RB1: variants seen among roughly 807,000 people sequenced by gnomAD.
The protein encoded by RB1 is retinoblastoma-associated protein.
In RB1, 18 loss-of-function variants were observed where a neutral mutation model predicts 135.4. That is an observed-to-expected ratio of 0.13 (90% CI 0.09 to 0.20). The LOEUF (loss-of-function observed/expected upper bound fraction) is 0.20, where lower values mean the gene tolerates loss of function less well. RB1 is among the 10% of genes least tolerant of loss of function. The pLI is 1.00. For synonymous variants in RB1, 365 were observed against 373.2 expected (o/e 0.98, Z 0.25); for missense variants, 868 against 1,110.0 (o/e 0.78, Z 3.10).
intron 6 of RB1, among the ~76,000 whole-genome samples, chr13:48,353,091 A>C (rs1182262416): frequency 1.3e-5 from 2 of 152,192 alleles, no homozygotes; most frequent in Non-Finnish European, 2.9e-5. Context: ...AAATTAGTAG[A>C]AGAAAAGAAA....
rs780416519 is a variant in RB1 at position 48,459,677 on chromosome 13, T to C, written c.1961-11T>C. The C allele has an allele frequency of 6.2e-7, 1 of 1,614,094 alleles. No homozygotes were observed. Among genetic ancestry groups the C allele is most frequent in the Non-Finnish European group, 8.5e-7 (1 of 1,179,976 alleles). On this transcript the variant is annotated splice_polypyrimidine_tract_variant and intron_variant, in intron 19 of 26. Transcript: ENST00000267163. Reference sequence around the variant, plus strand: ...AACAGTAAAAATGACTAATTTTTCTTATTCCCACAGTGTATCGGCTAGCCT... The same window carrying C: ...AACAGTAAAAATGACTAATTTTTCTCATTCCCACAGTGTATCGGCTAGCCT...
intron 18 of RB1, among the ~76,000 whole-genome samples, chr13:48,453,530 A>G (rs1949341801): frequency 6.6e-6 from 1 of 152,098 alleles, no homozygotes. Flanking sequence ...AGGGAGAAGT[A>G]TGGGATGTGG....
intron 2 of RB1, among the ~76,000 whole-genome samples, chr13:48,337,737 G>C (rs1378264405): frequency 6.6e-6 from 1 of 152,084 alleles, no homozygotes; most frequent in Non-Finnish European, 1.5e-5. Context: ...GTTAGCTGGT[G>C]ATTTTGCTCG....
chr13:48,429,921 A>G (rs2138273673), intron 17 of RB1, among the ~76,000 whole-genome samples: 1 of 152,336 alleles, frequency 6.6e-6, no homozygotes, highest in South Asian at 2.1e-4. Flanking sequence ...CCATAAGAGA[A>G]TACTTGAACA....
Position 48,453,176 on chromosome 13 carries a change from G to A in RB1, c.1814+65G>A, listed in dbSNP as rs976941101. The A allele has an allele frequency of 1.2e-5, 17 of 1,430,324 alleles. No homozygotes were observed. In the African/African-American group the frequency reaches 1.5e-4, roughly 13 times the overall value. 88.6% of individuals were successfully genotyped at this position (1,430,324 alleles called of 1,614,324 possible). A position where few individuals can be genotyped will look rare whatever the true frequency, so the allele number is the denominator to read the frequency against. On this transcript the variant is annotated intron_variant, in intron 18 of 26. Transcript: ENST00000267163. ...AATAGATTTTAAGCATAAGTGCAATGTAACATTCTATAAAGAAACTGTAGG... is the reference window on the plus strand; with the variant it reads ...AATAGATTTTAAGCATAAGTGCAATATAACATTCTATAAAGAAACTGTAGG...
rs553094345 is a variant in RB1, at chr13:48,464,958, C to CTTTTTTTTTTTTTTTTTTTTTT, written c.2212-37_2212-16dup. ...AAATTCATTTAACAAGTAAATTTTA[C>CTTTTTTTTTTTTTTTTTTTTTT]TTTTTTTTTTTTTTTTTTTTTTTTA... On this transcript the variant is annotated intron_variant, in intron 21 of 26. Coordinates refer to ENST00000267163, the MANE Select transcript of RB1 (RefSeq NM_000321.3). 109 of 832,616 alleles carry CTTTTTTTTTTTTTTTTTTTTTT rather than the reference C, an allele frequency of 1.3e-4. 4 individuals carry two copies. Among genetic ancestry groups the CTTTTTTTTTTTTTTTTTTTTTT allele is most frequent in the East Asian group, 3.7e-4 (7 of 19,010 alleles). 51.6% of individuals were successfully genotyped at this position (832,616 alleles called of 1,614,324 possible).
chr13:48,413,047 T>G (rs1392937599), intron 17 of RB1: 1 of 167,288 alleles, frequency 6.0e-6, no homozygotes, highest in African/African-American at 2.4e-5. Context: ...ACTCCCAAGC[T>G]TGTTAGCTCT....
At chr13:48,360,281 A>G in intron 7 of RB1, 154 bp downstream of exon 7, 1 of 1,438,138 alleles carries the variant, frequency 7.0e-7, no homozygotes, top group Non-Finnish European at 9.2e-7. Context: ...TATAGAAGGA[A>G]AGATAAGACA....
chr13:48,352,243 T>C (rs1952554733), intron 6 of RB1, among the ~76,000 whole-genome samples: 1 of 152,344 alleles, frequency 6.6e-6, no homozygotes, highest in Admixed American at 6.5e-5. Context: ...CATGCTGTTT[T>C]GGTTACTGTA....
rs147571628 is a variant in RB1, at chr13:48,457,666, C to G, written c.1960+1317C>G. Reference sequence around the variant, plus strand: ...ACCTGTAGGCCAGTGCCAAGCTGCCCTCAGCCCCCGCCTCGGCTTCCCCCC... The same window carrying G: ...ACCTGTAGGCCAGTGCCAAGCTGCCGTCAGCCCCCGCCTCGGCTTCCCCCC... On this transcript the variant is annotated intron_variant, in intron 19 of 26. Coordinates refer to ENST00000267163, the MANE Select transcript of RB1 (RefSeq NM_000321.3). 1.4e-4 allele frequency among the ~76,000 whole-genome samples: 21 copies of G among 152,356 alleles called. No individual in the cohort carries two copies. The East Asian group carries it at 4.1e-3, about 29-fold the overall frequency.
intron 2 of RB1, among the ~76,000 whole-genome samples, chr13:48,327,170 A>G (rs759623018): frequency 7.1e-6 from 1 of 141,150 alleles, no homozygotes; most frequent in Non-Finnish European, 1.6e-5. Flanking sequence ...TTCCATCTTC[A>G]TACAATGTTA....
chr13:48,430,106 A>G (rs1036420718), intron 17 of RB1, among the ~76,000 whole-genome samples: 2 of 152,186 alleles, frequency 1.3e-5, no homozygotes, highest in Non-Finnish European at 2.9e-5. Flanking sequence ...TGCATTCTCC[A>G]CACCTTCACC....
In RB1 at chr13:48,456,333, A is replaced by G. The variant is rs762529301; in HGVS notation, c.1944A>G (p.Ser648=). 16 of 1,614,014 alleles carry G rather than the reference A, an allele frequency of 9.9e-6. No homozygotes were observed. Among genetic ancestry groups the G allele is most frequent in the Non-Finnish European group, 1.4e-5 (16 of 1,180,022 alleles). The change falls in exon 19 of 27, where the codon TCA becomes TCG. Residue 648 remains serine (S), a synonymous_variant. Coordinates refer to ENST00000267163, the MANE Select transcript of RB1 (RefSeq NM_000321.3). ...AGCCATTGAAATCTACCTCTCTTTC[A>G]CTGTTTTATAAAAAAGGTTAGTAGA... ...TQKPLKSTSL[S]LFYKKVYRLA...
rs1952511945 is a variant in RB1 at position 48,347,854 on chromosome 13, C to G, written c.530C>G (p.Pro177Arg). The G allele has an allele frequency of 1.9e-6, 3 of 1,591,762 alleles. No individual in the cohort carries two copies. Among genetic ancestry groups the G allele is most frequent in the Non-Finnish European group, 2.6e-6 (3 of 1,161,184 alleles). ...TGTGAACTTATATATTTGACACAAC[C>G]CAGCAGTTCGTAAGTAGTTCACAGA... ...RTCELIYLTQ[P>R]SSSISTEINS... is the part of the protein sequence containing the mutation. The change falls in exon 5 of 27, where the codon CCC (proline) becomes CGC (arginine). Residue 177 changes from proline to arginine, a missense_variant. Physicochemically the swap from Pro to Arg is moderately radical, Grantham distance 103. Around this residue, in one of 3 missense-constraint regions of RB1, gnomAD observed 641 missense variants for 791.3 expected, o/e 0.81. Coordinates refer to ENST00000267163, the MANE Select transcript of RB1 (RefSeq NM_000321.3).
rs186141950 is a variant in RB1 at position 48,324,565 on chromosome 13, C to T, written c.264+17159C>T. 4.7e-4 allele frequency among the ~76,000 whole-genome samples: 71 copies of T among 152,136 alleles called. No individual in the cohort carries two copies. In the East Asian group the frequency reaches 0.014, roughly 29 times the overall value. ...TTCATTCTGTTTTATGGCTGAATAA[C>T]ATTCCATTGTTTATATGTACCACAT... On this transcript the variant is annotated intron_variant, in intron 2 of 26. Coordinates refer to ENST00000267163, the MANE Select transcript of RB1 (RefSeq NM_000321.3).
chr13:48,412,213 G>GTAAA lies in RB1; in HGVS notation c.1695+30771_1695+30774dup. The GTAAA allele has an allele frequency of 6.2e-7, 1 of 1,613,870 alleles. No individual in the cohort carries two copies. The highest frequency in any genetic ancestry group is 1.1e-5 in the South Asian group (1 of 91,076). ...GTTGTGAAGTAAAAAATCCTGAAGG[G>GTAAA]TAAAGTAAAAACAAAAAGCAAGTCT... On this transcript the variant is annotated intron_variant, in intron 17 of 26. Transcript: ENST00000267163.
At chr13:48,317,801 C>T in intron 2 of RB1, 1 of 356,060 alleles carries the variant, frequency 2.8e-6, no homozygotes, top group South Asian at 2.6e-5. Flanking sequence ...GGCTGTGGGA[C>T]CCCCCTGGCC....
At chr13:48,422,481 T>G (rs758094232) in intron 17 of RB1, among the ~76,000 whole-genome samples, 5 of 152,164 alleles carry the variant, frequency 3.3e-5, no homozygotes, top group Non-Finnish European at 5.9e-5. Context: ...AACCTGCACG[T>G]TCTGCACATG....
At chr13:48,345,789 G>A (rs2138088752) in intron 4 of RB1, among the ~76,000 whole-genome samples, 1 of 152,224 alleles carries the variant, frequency 6.6e-6, no homozygotes, top group East Asian at 1.9e-4. Flanking sequence ...CATTTCATTT[G>A]CGGTTAAGAG....
Sources: gnomAD v4.1 joint callset for allele counts (sites outside exome capture counted in the v4.1 genomes callset) on GRCh38, gnomAD v4.1.1 for gene constraint, gnomAD v4.1.1 regional missense constraint, MANE v1.5 for transcripts, NCBI Gene and HGNC (gene_info 2026-07-23, HGNC 2026-07-21) for gene names.